HMBOX1: variants seen among roughly 807,000 people sequenced by gnomAD.
HMBOX1 encodes the protein homeobox-containing protein 1.
A neutral mutation model predicts 54.5 loss-of-function variants in HMBOX1; 14 were observed. The observed-to-expected ratio is 0.26, with a 90% CI of 0.17 to 0.40. HMBOX1 has a LOEUF of 0.40. HMBOX1 is among the 10% of genes least tolerant of loss of function. The probability of loss-of-function intolerance (pLI) is 1.00; values close to 1 mark genes in which losing one functional copy is unlikely to be tolerated. For synonymous variants in HMBOX1, 160 were observed against 181.0 expected, an observed-to-expected ratio of 0.88 and a Z score of 0.93; for missense variants, 332 against 514.4, an observed-to-expected ratio of 0.65 and a Z score of 3.43.
chr8:28,949,024 T>A (rs189935993), intron 1 of HMBOX1, among the ~76,000 whole-genome samples: 2 of 152,368 alleles, frequency 1.3e-5, no homozygotes, highest in Non-Finnish European at 2.9e-5. Flanking sequence ...AATCAGGGCA[T>A]CTGTATTAGT....
chr8:29,008,999 A>C, intron 4 of HMBOX1, 73 bp from the exon 5 acceptor site: 1 of 1,212,728 alleles, frequency 8.2e-7, no homozygotes, highest in Non-Finnish European at 1.2e-6. Context: ...CCAGTAACCT[A>C]GAACCAAAAG....
intron 2 of HMBOX1, among the ~76,000 whole-genome samples, chr8:28,967,340 T>C (rs1322070585): frequency 6.6e-6 from 1 of 152,230 alleles, no homozygotes; most frequent in East Asian, 1.9e-4. Context: ...GTGGTTCTAA[T>C]AGTCAATGAA....
intron 5 of HMBOX1, among the ~76,000 whole-genome samples, chr8:29,015,957 C>G (rs939135190): frequency 6.6e-6 from 1 of 152,154 alleles, no homozygotes; most frequent in African/African-American, 2.4e-5. Flanking sequence ...TTAGGGTGGG[C>G]TGTAAATCTC....
chr8:29,023,066 T>C (rs140632202), intron 6 of HMBOX1, among the ~76,000 whole-genome samples: 5 of 152,268 alleles, frequency 3.3e-5, no homozygotes, highest in African/African-American at 9.6e-5. Context: ...CTACTAAATT[T>C]GGTATTATAG....
intron 3 of HMBOX1, among the ~76,000 whole-genome samples, chr8:28,971,458 G>A (rs1012459458): frequency 1.3e-5 from 2 of 152,150 alleles, no homozygotes; most frequent in African/African-American, 4.8e-5. Context: ...GACACTTTGA[G>A]GGTAACAGCA....
intron 2 of HMBOX1, among the ~76,000 whole-genome samples, chr8:28,968,511 C>T (rs749067057): frequency 6.6e-6 from 1 of 152,176 alleles, no homozygotes; most frequent in Non-Finnish European, 1.5e-5. Context: ...GTTTCCTCAA[C>T]AATCAATCCA....
chr8:29,049,061 G>C lies in HMBOX1; in HGVS notation c.1125+13G>C. ...CTACTCTGAGCAGGTGAGCCCCTGC[G>C]CAGCTGGGCGAGGTTCTTGGTGCCT... is the stretch of plus-strand genomic sequence containing the variant. On this transcript the variant is annotated intron_variant, in intron 9 of 9. Transcript: ENST00000287701. 6.2e-7 allele frequency: 1 copy of C among 1,609,756 alleles called. No homozygotes were observed. The highest frequency in any genetic ancestry group is 8.5e-7 in the Non-Finnish European group (1 of 1,176,294).
intron 6 of HMBOX1, among the ~76,000 whole-genome samples, chr8:29,023,527 T>G (rs1414900811): frequency 1.3e-5 from 2 of 151,862 alleles, no homozygotes; most frequent in African/African-American, 4.9e-5. Context: ...CTCAGCCTCC[T>G]GAGTAGCTGG....
intron 6 of HMBOX1, among the ~76,000 whole-genome samples, chr8:29,036,431 T>C (rs1010518577): frequency 2.0e-5 from 3 of 152,042 alleles, no homozygotes; most frequent in African/African-American, 7.3e-5. Flanking sequence ...TTTTAATGGG[T>C]GTTGATGTTC....
At chr8:28,959,255 C>G (rs78055073) in intron 1 of HMBOX1, among the ~76,000 whole-genome samples, 5,033 of 152,026 alleles carry the variant, frequency 0.033, 293 homozygotes, top group African/African-American at 0.11. Context: ...TTGGGGCCAT[C>G]ATTCTGTAGA....
chr8:28,984,285 T>A (rs955577953), intron 4 of HMBOX1, among the ~76,000 whole-genome samples: 2 of 152,240 alleles, frequency 1.3e-5, no homozygotes, highest in African/African-American at 4.8e-5. Flanking sequence ...TTAAAAAGAT[T>A]TAAGTTCAAC....
chr8:28,945,458 C>G (rs1822259877), intron 1 of HMBOX1, among the ~76,000 whole-genome samples: 1 of 152,108 alleles, frequency 6.6e-6, no homozygotes, highest in African/African-American at 2.4e-5. Flanking sequence ...CTATGTATAA[C>G]AAGAATAGGA....
chr8:28,960,524 T>A (rs1825278817), intron 1 of HMBOX1, among the ~76,000 whole-genome samples: 1 of 151,878 alleles, frequency 6.6e-6, no homozygotes, highest in African/African-American at 2.4e-5. Flanking sequence ...TTTAAAATTA[T>A]GTTTATTGAT....
intron 5 of HMBOX1, among the ~76,000 whole-genome samples, chr8:29,014,843 C>G (rs918784297): frequency 3.3e-5 from 5 of 152,056 alleles, no homozygotes; most frequent in Non-Finnish European, 7.4e-5. Context: ...CCACACCCAG[C>G]AAATTTTTGT....
At chr8:29,049,151 A>AC (rs1806064010) in intron 9 of HMBOX1, 103 bp downstream of exon 9, 1 of 1,457,048 alleles carries the variant, frequency 6.9e-7, no homozygotes, top group Non-Finnish European at 9.5e-7. Context: ...GGGAGGGGAA[A>AC]CAGTCACTGT....
At chr8:28,953,238 A>G (rs957368865) in intron 1 of HMBOX1, among the ~76,000 whole-genome samples, 4 of 152,176 alleles carry the variant, frequency 2.6e-5, no homozygotes, top group Non-Finnish European at 4.4e-5. Flanking sequence ...TTTCTATGGT[A>G]TGTGTTTTCC....
intron 4 of HMBOX1, among the ~76,000 whole-genome samples, chr8:28,996,990 GGTGT>G (rs146925936): frequency 8.6e-5 from 13 of 150,904 alleles, no homozygotes; most frequent in Middle Eastern, 6.9e-3. Flanking sequence ...GTTCTAATGG[GGTGT>G]GTGTGTGTGT....
At position 29,052,286 on chromosome 8, in the gene HMBOX1, C is replaced by T. The variant is rs1475697525; in HGVS notation, c.*1131C>T. 1 of 152,266 alleles carries T rather than the reference C, an allele frequency of 6.6e-6. No homozygotes were observed. Among genetic ancestry groups the T allele is most frequent in the Non-Finnish European group, 1.5e-5 (1 of 68,088 alleles). The allele number at this position is 152,266 out of a possible 1,614,324, so 9.4% of individuals were successfully genotyped here. On this transcript the variant is annotated 3_prime_UTR_variant, in exon 10 of 10. Coordinates refer to ENST00000287701, the MANE Select transcript of HMBOX1 (RefSeq NM_001135726.3). Reference sequence around the variant, plus strand: ...AGAGAAAAGCAGGGGACGTTTCCTACTCACATTGTGGCTGTATGAGAACAC... The same window carrying T: ...AGAGAAAAGCAGGGGACGTTTCCTATTCACATTGTGGCTGTATGAGAACAC...
intron 6 of HMBOX1, among the ~76,000 whole-genome samples, chr8:29,038,966 G>A (rs1179458751): frequency 1.3e-5 from 2 of 152,084 alleles, no homozygotes; most frequent in African/African-American, 4.8e-5. Flanking sequence ...GCTCTTTCAT[G>A]ACTCTTTCAC....
Sources: allele counts gnomAD v4.1 joint callset (sites outside exome capture counted in the v4.1 genomes callset), GRCh38; gene constraint gnomAD v4.1.1; transcripts MANE v1.5; gene names NCBI Gene and HGNC (gene_info 2026-07-23, HGNC 2026-07-21).